The following CNOT7 variants were observed in gnomAD, a reference collection of about 807,000 sequenced individuals.
CNOT7 encodes BTG1-binding factor 1.
In CNOT7, 4 loss-of-function variants were observed where a neutral mutation model predicts 37.1. The ratio of observed to expected loss-of-function variants is 0.11; its 90% CI spans 0.05 to 0.25. The LOEUF (loss-of-function observed/expected upper bound fraction) is 0.25, where lower values mean the gene tolerates loss of function less well. Among genes scored for constraint, CNOT7 ranks in the 10% least tolerant of loss-of-function variants. The probability of loss-of-function intolerance (pLI) is 1.00; values close to 1 mark genes in which losing one functional copy is unlikely to be tolerated. For synonymous variants in CNOT7, 128 were observed against 115.6 expected, an observed-to-expected ratio of 1.11 and a Z score of -0.69; for missense variants, 170 against 336.2, an observed-to-expected ratio of 0.51 and a Z score of 3.87.
At chr8:17,244,900 A>G in intron 2 of CNOT7, 136 bp downstream of exon 2, 1 of 700,868 alleles carries the variant, frequency 1.4e-6, no homozygotes, top group Non-Finnish European at 2.4e-6. Flanking sequence ...TTTTGGCTGG[A>G]GGGCAGTGAC....
At position 17,232,445 on chromosome 8, in the gene CNOT7, G is replaced by T; in HGVS notation, c.711C>A (p.Ala237=). 1 of 1,613,942 alleles carries T rather than the reference G, an allele frequency of 6.2e-7. No individual in the cohort carries two copies. Among genetic ancestry groups the T allele is most frequent in the East Asian group, 2.2e-5 (1 of 44,848 alleles). ...AGSDSLLTGM[A]FFKMREMFFE... is the part of the protein sequence containing the mutation. ...TTCATACTTCTCTCATTTTGAAAAA[G>T]GCCATTCCTGTGAGCAATGAATCAG... The change falls in exon 6 of 7, where the codon GCC becomes GCA. Residue 237 remains alanine, a synonymous_variant. Transcript: ENST00000361272.
In CNOT7 at chr8:17,230,868, A is replaced by G. The variant is rs768349628; in HGVS notation, c.730-20T>C. The G allele has an allele frequency of 2.1e-5, 30 of 1,409,432 alleles. No homozygotes were observed. The highest frequency in any genetic ancestry group is 4.9e-5 in the East Asian group (2 of 41,032). The allele number at this position is 1,409,432 out of a possible 1,614,324, so 87.3% of individuals were successfully genotyped here. On this transcript the variant is annotated intron_variant, in intron 6 of 6. Transcript: ENST00000361272. ...GAACATCTAAAAAGGAATTTTGAAG[A>G]AAAAAAAAAGATAATTTTAACCAAA... is the stretch of plus-strand genomic sequence containing the variant.
intron 2 of CNOT7, among the ~76,000 whole-genome samples, chr8:17,243,857 A>G (rs1333659382): frequency 6.6e-6 from 1 of 152,224 alleles, no homozygotes; most frequent in Non-Finnish European, 1.5e-5. Flanking sequence ...TTTATCAAAT[A>G]GTATGTCATC....
chr8:17,242,446 A>G (rs1810309969), intron 3 of CNOT7: 1 of 152,256 alleles, frequency 6.6e-6, no homozygotes, highest in South Asian at 2.1e-4. Context: ...AGATTCTGAC[A>G]TATGATAAAC....
chr8:17,234,904 C>T (rs536403576), intron 4 of CNOT7, 44 bp from the exon 5 acceptor site: 4 of 1,540,752 alleles, frequency 2.6e-6, no homozygotes, highest in East Asian at 4.5e-5. Context: ...CATATAAATA[C>T]TATAAAGATT....
Position 17,225,237 on chromosome 8 carries a change from CTAAA to C in CNOT7, c.*5479_*5482del, listed in dbSNP as rs375196604. 1.6e-4 allele frequency: 24 copies of C among 151,658 alleles called. No homozygotes were observed. The East Asian group carries it at 3.1e-3, about 20-fold the overall frequency. 9.4% of individuals were successfully genotyped at this position (151,658 alleles called of 1,614,324 possible). Reference sequence around the variant, plus strand: ...GGAACTCCAATTTCTTGGTATGATACTAAATAAAGATTCTTATCTTTTGGGAGAA... The same window carrying C: ...GGAACTCCAATTTCTTGGTATGATACTAAAGATTCTTATCTTTTGGGAGAA... On this transcript the variant is annotated 3_prime_UTR_variant, in exon 7 of 7. Transcript: ENST00000361272.
At position 17,234,761 on chromosome 8, in the gene CNOT7, G is replaced by A. The variant is rs1809114005; in HGVS notation, c.573C>T (p.Val191=). 3 of 1,613,922 alleles carry A rather than the reference G, an allele frequency of 1.9e-6. No individual in the cohort carries two copies. Among genetic ancestry groups the A allele is most frequent in the Non-Finnish European group, 1.7e-6 (2 of 1,179,906 alleles). ...TCATGAGGTACTTCACATCATAAAT[G>A]ACAGGAAAAAACAATCGAAGGATCT... ...FFEILRLFFP[V]IYDVKYLMKS... Residue 191 remains valine (V), a synonymous_variant, in exon 5 of 7, where the codon GTC becomes GTT. Coordinates refer to ENST00000361272, the MANE Select transcript of CNOT7 (RefSeq NM_013354.7).
intron 3 of CNOT7, among the ~76,000 whole-genome samples, chr8:17,240,239 A>C (rs1194344341): frequency 6.6e-6 from 1 of 152,152 alleles, no homozygotes; most frequent in Non-Finnish European, 1.5e-5. Context: ...ACATCTCCTA[A>C]CATCAGTGTA....
rs1360417192 is a variant in CNOT7 at position 17,243,165 on chromosome 8, C to G, written c.138G>C (p.Val46=). Reference sequence around the variant, plus strand: ...TGAATTCTCCAATGGGTCTTGCAACCACACCTGGAAACTCGGTGTCCTGTA... The same window carrying G: ...TGAATTCTCCAATGGGTCTTGCAACGACACCTGGAAACTCGGTGTCCTGTA... ...YVAMDTEFPG[V]VARPIGEFRS... Residue 46 remains valine, a synonymous_variant, in exon 3 of 7, where the codon GTG becomes GTC. Coordinates refer to ENST00000361272, the MANE Select transcript of CNOT7 (RefSeq NM_013354.7). 1.2e-6 allele frequency: 2 copies of G among 1,600,584 alleles called. No individual in the cohort carries two copies. The highest frequency in any genetic ancestry group is 3.6e-5 in the Admixed American group (2 of 55,908).
At chr8:17,232,036 A>G (rs915582447) in intron 6 of CNOT7, 8 of 1,040,268 alleles carry the variant, frequency 7.7e-6, no homozygotes, top group Admixed American at 1.1e-4. Context: ...AATAAACCTA[A>G]TATAAAGATT....
chr8:17,236,448 AAT>A (rs1250549734), intron 4 of CNOT7, among the ~76,000 whole-genome samples: 1 of 152,226 alleles, frequency 6.6e-6, no homozygotes, highest in Non-Finnish European at 1.5e-5. Context: ...ACAAAATCGG[AAT>A]AGTTTCCTTA....
At chr8:17,239,897 T>C (rs1424366623) in intron 3 of CNOT7, among the ~76,000 whole-genome samples, 2 of 152,214 alleles carry the variant, frequency 1.3e-5, no homozygotes, top group Admixed American at 1.3e-4. Context: ...TCCACTTCAA[T>C]TTTCATGGAT....
chr8:17,226,346 G>A lies in CNOT7; in HGVS notation c.*4374C>T, dbSNP rs907910056. 1 of 151,166 alleles carries A rather than the reference G, an allele frequency of 6.6e-6. No individual in the cohort carries two copies. Among genetic ancestry groups the A allele is most frequent in the Non-Finnish European group, 1.5e-5 (1 of 67,470 alleles). 9.4% of individuals were successfully genotyped at this position (151,166 alleles called of 1,614,324 possible). A position where few individuals can be genotyped will look rare whatever the true frequency, so the allele number is the denominator to read the frequency against. ...TAATCTGTTAATGCTGATGTGTAATGGGATTTCACGTATTTCATCTTTGAA... is the reference window on the plus strand; with the variant it reads ...TAATCTGTTAATGCTGATGTGTAATAGGATTTCACGTATTTCATCTTTGAA... On this transcript the variant is annotated 3_prime_UTR_variant, in exon 7 of 7. Transcript: ENST00000361272.
At chr8:17,238,787 A>G (rs529118368) in intron 3 of CNOT7, among the ~76,000 whole-genome samples, 1 of 152,216 alleles carries the variant, frequency 6.6e-6, no homozygotes, top group Non-Finnish European at 1.5e-5. Context: ...GCTTCACCCC[A>G]TACCTGCTTT....
intron 3 of CNOT7, chr8:17,242,586 T>C (rs1386734840): frequency 6.5e-6 from 1 of 154,746 alleles, no homozygotes; most frequent in African/African-American, 2.4e-5. Context: ...AACGTCTTAC[T>C]GCATTTGACA....
At chr8:17,231,702 T>C in intron 6 of CNOT7, 7 of 985,378 alleles carry the variant, frequency 7.1e-6, no homozygotes, top group Non-Finnish European at 8.4e-6. Flanking sequence ...TGTTTACCTA[T>C]AGCTAGGTGT....
At chr8:17,239,819 G>GT (rs902393407) in intron 3 of CNOT7, among the ~76,000 whole-genome samples, 1 of 152,166 alleles carries the variant, frequency 6.6e-6, no homozygotes, top group Non-Finnish European at 1.5e-5. Flanking sequence ...TTAAAAATTT[G>GT]TTTTAATCCT....
At chr8:17,237,697 G>A (rs1809565488) in intron 3 of CNOT7, 2 of 203,398 alleles carry the variant, frequency 9.8e-6, no homozygotes, top group Non-Finnish European at 2.0e-5. Context: ...AGGGGCTACC[G>A]TCGCAAAGTG....
Position 17,225,375 on chromosome 8 carries a change from A to G in CNOT7, c.*5345T>C, listed in dbSNP as rs1808086717. 1 of 151,778 alleles carries G rather than the reference A, an allele frequency of 6.6e-6. No individual in the cohort carries two copies. The highest frequency in any genetic ancestry group is 2.4e-5 in the African/African-American group (1 of 41,428). 9.4% of individuals were successfully genotyped at this position (151,778 alleles called of 1,614,324 possible). A position where few individuals can be genotyped will look rare whatever the true frequency, so the allele number is the denominator to read the frequency against. ...CTTCTCATATACAAAAAATTCCTCC[A>G]TACCAGGAAGGAGAGTATTGACCAG... On this transcript the variant is annotated 3_prime_UTR_variant, in exon 7 of 7. Coordinates refer to ENST00000361272, the MANE Select transcript of CNOT7 (RefSeq NM_013354.7).
Sources: gnomAD v4.1 joint callset for allele counts (sites outside exome capture counted in the v4.1 genomes callset) on GRCh38, gnomAD v4.1.1 for gene constraint, MANE v1.5 for transcripts, NCBI Gene and HGNC (gene_info 2026-07-23, HGNC 2026-07-21) for gene names.